VRK2: variants seen among roughly 807,000 people sequenced by gnomAD.
VRK2 encodes the protein VRK serine/threonine kinase 2, also known as serine/threonine-protein kinase VRK2.
VRK2 carries 60 observed loss-of-function variants against 57.6 expected under a neutral mutation model. The observed-to-expected ratio is 1.04, with a 90% CI of 0.85 to 1.29. The LOEUF (loss-of-function observed/expected upper bound fraction) is 1.29. Ranked by LOEUF, VRK2 falls within the 50% of genes most tolerant of loss-of-function variation. VRK2 has a pLI of 0.00. For missense variants in VRK2, 705 were observed against 588.1 expected, an observed-to-expected ratio of 1.20 and a Z score of -2.06; for synonymous variants, 231 against 199.2, an observed-to-expected ratio of 1.16 and a Z score of -1.35.
rs141254129 is a variant in VRK2 at position 57,960,798 on chromosome 2, C to A, written c.-439+52959C>A. Among the ~76,000 whole-genome samples, 1,068 of 152,268 alleles carry A rather than the reference C, an allele frequency of 7.0e-3. 9 individuals are homozygous for A. Among genetic ancestry groups the A allele is most frequent in the Non-Finnish European group, 0.011 (760 of 68,014 alleles). On this transcript the variant is annotated intron_variant, in intron 1 of 15. Transcript: ENST00000417641. ...TGGCATATTTTAGACCAGGATCCAG[C>A]CATAATCTCTTCAAAATAATTTATA...
chr2:57,998,046 G>C (rs2103617728), intron 1 of VRK2, among the ~76,000 whole-genome samples: 1 of 152,256 alleles, frequency 6.6e-6, no homozygotes, highest in Non-Finnish European at 1.5e-5. Context: ...GATGCTGACT[G>C]GGACATACTG....
At chr2:58,150,475 T>C (rs951805037) in intron 12 of VRK2, among the ~76,000 whole-genome samples, 19 of 151,212 alleles carry the variant, frequency 1.3e-4, no homozygotes, top group Non-Finnish European at 2.7e-4. Context: ...TGGTAACTTT[T>C]GGTTTCTTTC....
intron 2 of VRK2, among the ~76,000 whole-genome samples, chr2:58,072,004 A>G (rs1486386925): frequency 1.3e-5 from 2 of 151,902 alleles, no homozygotes; most frequent in Non-Finnish European, 2.9e-5. Context: ...TATATTTATA[A>G]CTAAGTGTTA....
At chr2:58,136,172 T>C (rs907445966) in intron 10 of VRK2, among the ~76,000 whole-genome samples, 1 of 152,200 alleles carries the variant, frequency 6.6e-6, no homozygotes, top group Non-Finnish European at 1.5e-5. Context: ...AATAAGCCAG[T>C]TCTACTTCCC....
chr2:58,155,247 T>C (rs1683628110), intron 12 of VRK2, among the ~76,000 whole-genome samples: 1 of 152,234 alleles, frequency 6.6e-6, no homozygotes, highest in Non-Finnish European at 1.5e-5. Flanking sequence ...AGATGTGCGA[T>C]GCCAACTCTT....
At position 58,081,564 on chromosome 2, in the gene VRK2, G is replaced by T. The variant is rs1004164981; in HGVS notation, c.137-2525G>T. On this transcript the variant is annotated intron_variant, in intron 2 of 12. Transcript: ENST00000340157. ...ACTGATTTTGGAGTTATGAACCTCT[G>T]TTATTTTAGCATTTACCCTTAAAAT... Among the ~76,000 whole-genome samples the T allele has an allele frequency of 3.3e-5, 5 of 151,474 alleles. No homozygotes were observed. The East Asian group carries it at 9.7e-4, about 29-fold the overall frequency.
chr2:58,123,224 A>C lies in VRK2; in HGVS notation c.667A>C (p.Lys223Gln). The change falls in exon 8 of 13, where the codon AAG (lysine) becomes CAG (glutamine). Residue 223 changes from lysine to glutamine, a missense_variant. Lys to Gln is a moderately conservative substitution (Grantham distance 53). Coordinates refer to ENST00000340157, the MANE Select transcript of VRK2 (RefSeq NM_006296.7). ...TIEFTSLDAH[K>Q]GVALSRRSDV... ...AGAGTTTACCAGCTTGGATGCCCAC[A>C]AGGGAGTAGGTGGGTTTCTTTTTTC... 3 of 1,584,234 alleles carry C rather than the reference A, an allele frequency of 1.9e-6. No homozygotes were observed. Among genetic ancestry groups the C allele is most frequent in the Non-Finnish European group, 2.6e-6 (3 of 1,172,094 alleles).
chr2:58,108,515 TTTC>T (rs1325969647), intron 7 of VRK2, among the ~76,000 whole-genome samples: 1 of 152,158 alleles, frequency 6.6e-6, no homozygotes, highest in Non-Finnish European at 1.5e-5. Flanking sequence ...TCTTTCTTTC[TTTC>T]TTTTTTTTTC....
intron 1 of VRK2, among the ~76,000 whole-genome samples, chr2:57,990,619 A>G (rs1032122775): frequency 2.0e-5 from 3 of 152,234 alleles, no homozygotes; most frequent in Non-Finnish European, 4.4e-5. Context: ...CTAGTGTTAC[A>G]GTAGAGCTCA....
chr2:58,120,382 G>C (rs1028140109), intron 7 of VRK2, among the ~76,000 whole-genome samples: 4 of 150,884 alleles, frequency 2.7e-5, no homozygotes, highest in African/African-American at 9.7e-5. Context: ...GTAGAGATGG[G>C]GTTTCACCAT....
At position 58,159,659 on chromosome 2, in the gene VRK2, T is replaced by C; in HGVS notation, c.1493T>C (p.Leu498Ser). ...YYYRIIIPVLLMLVFLALFFL is the reference protein window; with the variant it reads ...YYYRIIIPVLSMLVFLALFFL ...TATCGCATCATCATACCTGTCCTTT[T>C]GATGTTAGTATTTCTTGCTTTATTT... Residue 498 changes from leucine to serine, a missense_variant, in exon 13 of 13, where the codon TTG becomes TCG. Physicochemically the swap from Leu to Ser is moderately radical, Grantham distance 145 (BLOSUM62 -2). Coordinates refer to ENST00000340157, the MANE Select transcript of VRK2 (RefSeq NM_006296.7). 1 of 1,613,392 alleles carries C rather than the reference T, an allele frequency of 6.2e-7. No homozygotes were observed. The highest frequency in any genetic ancestry group is 8.5e-7 in the Non-Finnish European group (1 of 1,179,634).
At chr2:57,986,814 G>T (rs1347910288) in intron 1 of VRK2, among the ~76,000 whole-genome samples, 2 of 152,052 alleles carry the variant, frequency 1.3e-5, no homozygotes, top group Non-Finnish European at 2.9e-5. Context: ...GGCCAGGCTG[G>T]TCTCGAACTC....
intron 1 of VRK2, among the ~76,000 whole-genome samples, chr2:57,908,175 G>A (rs1669883472): frequency 6.6e-6 from 1 of 152,156 alleles, no homozygotes; most frequent in Non-Finnish European, 1.5e-5. Flanking sequence ...GAGGAGCAGA[G>A]CACAAAGTTG....
At chr2:58,031,633 A>G (rs1305693899) in intron 2 of VRK2, among the ~76,000 whole-genome samples, 1 of 152,116 alleles carries the variant, frequency 6.6e-6, no homozygotes, top group East Asian at 1.9e-4. Context: ...TACAATCCAA[A>G]TGATAGCTTA....
intron 1 of VRK2, among the ~76,000 whole-genome samples, chr2:57,933,814 T>C (rs566324489): frequency 2.6e-5 from 4 of 152,324 alleles, no homozygotes; most frequent in East Asian, 1.9e-4. Flanking sequence ...TTTCTTTCTT[T>C]TCCTCTCGCT....
intron 7 of VRK2, among the ~76,000 whole-genome samples, chr2:58,105,169 A>G (rs1458923400): frequency 1.3e-5 from 2 of 151,926 alleles, no homozygotes; most frequent in Non-Finnish European, 2.9e-5. Flanking sequence ...TTATAGACTA[A>G]GACCTGAAAA....
At chr2:58,026,400 T>A (rs1170701801) in intron 2 of VRK2, among the ~76,000 whole-genome samples, 2 of 152,122 alleles carry the variant, frequency 1.3e-5, no homozygotes, top group South Asian at 4.1e-4. Context: ...GAGAACATCC[T>A]ATATGTTTAA....
intron 7 of VRK2, among the ~76,000 whole-genome samples, chr2:58,096,424 T>C (rs1047136495): frequency 1.2e-4 from 18 of 152,070 alleles, no homozygotes; most frequent in Non-Finnish European, 2.2e-4. Context: ...CTCTACTTTT[T>C]TCAGAAATTG....
At chr2:58,044,869 G>C (rs1674621729), upstream of VRK2, among the ~76,000 whole-genome samples, 1 of 152,132 alleles carries the variant, frequency 6.6e-6, no homozygotes, top group South Asian at 2.1e-4. Context: ...GCAAAATTTC[G>C]TCATGTTGGG....
Sources: allele counts gnomAD v4.1 joint callset (sites outside exome capture counted in the v4.1 genomes callset), GRCh38; gene constraint gnomAD v4.1.1; transcripts MANE v1.5; gene names NCBI Gene and HGNC (gene_info 2026-07-23, HGNC 2026-07-21).